RBFOX1: variants seen among roughly 807,000 people sequenced by gnomAD.
The protein encoded by RBFOX1 is RNA binding fox-1 homolog 1, also known as RNA binding protein fox-1 homolog 1.
RBFOX1 carries 8 observed loss-of-function variants against 57.7 expected under a neutral mutation model. The ratio of observed to expected loss-of-function variants is 0.14; its 90% CI spans 0.08 to 0.25. RBFOX1 has a LOEUF of 0.25. Among genes scored for constraint, RBFOX1 ranks in the 10% least tolerant of loss-of-function variants. RBFOX1 has a pLI of 1.00. For missense variants in RBFOX1, 611 were observed against 548.5 expected, an observed-to-expected ratio of 1.11 and a Z score of -1.14; for synonymous variants, 326 against 222.4, an observed-to-expected ratio of 1.47 and a Z score of -4.15.
intron 2 of RBFOX1, among the ~76,000 whole-genome samples, chr16:6,434,056 C>A (rs964032409): frequency 1.9e-4 from 29 of 152,014 alleles, no homozygotes; most frequent in Non-Finnish European, 1.2e-4. Context: ...CCATGTTGGT[C>A]AGGCTGGTCT....
At chr16:7,218,628 C>CTCTGTGTGTG (rs1206468606) in intron 4 of RBFOX1, among the ~76,000 whole-genome samples, 101 of 127,532 alleles carry the variant, frequency 7.9e-4, no homozygotes, top group African/African-American at 2.7e-3. Flanking sequence ...TGGGGGTTTG[C>CTCTGTGTGTG]TGTGTGTGTG....
At chr16:7,386,690 G>A (rs531678829) in intron 4 of RBFOX1, among the ~76,000 whole-genome samples, 7 of 152,132 alleles carry the variant, frequency 4.6e-5, no homozygotes, top group Admixed American at 6.5e-5. Context: ...GTAATCATAC[G>A]TGTGCATGTA....
chr16:5,776,408 C>A (rs921478267), intron 3 of RBFOX1, among the ~76,000 whole-genome samples: 11 of 152,172 alleles, frequency 7.2e-5, no homozygotes, highest in African/African-American at 2.7e-4. Flanking sequence ...CCATTTTAAC[C>A]TGCATCCCTC....
chr16:5,797,936 T>C (rs1195534207), intron 3 of RBFOX1, among the ~76,000 whole-genome samples: 1 of 152,156 alleles, frequency 6.6e-6, no homozygotes, highest in Admixed American at 6.5e-5. Flanking sequence ...TGGGACACCA[T>C]AGAAGAGATG....
intron 3 of RBFOX1, among the ~76,000 whole-genome samples, chr16:6,966,508 G>A (rs2084198581): frequency 6.6e-6 from 1 of 152,126 alleles, no homozygotes; most frequent in Non-Finnish European, 1.5e-5. Flanking sequence ...GGTGGCGAGA[G>A]GGGCGGACGG....
At chr16:6,224,044 C>G (rs544842248) in intron 1 of RBFOX1, among the ~76,000 whole-genome samples, 2 of 152,026 alleles carry the variant, frequency 1.3e-5, no homozygotes, top group South Asian at 2.1e-4. Context: ...GGGCTCTGTT[C>G]TGTTCCATTG....
In RBFOX1 at chr16:7,202,366, C is replaced by T. The variant is rs7201748; in HGVS notation, c.27+150268C>T. 5.5e-3 allele frequency among the ~76,000 whole-genome samples: 832 copies of T among 150,746 alleles called. 1 individual carries two copies. The highest frequency in any genetic ancestry group is 9.1e-3 in the Non-Finnish European group (620 of 67,872). On this transcript the variant is annotated intron_variant, in intron 4 of 15. Coordinates refer to ENST00000550418, the MANE Select transcript of RBFOX1 (RefSeq NM_018723.4). Reference sequence around the variant, plus strand: ...GGATGTGGAAAAATTGGACCCATTACGCCCTGTGGGTAGGAAGGTAAAATA... The same window carrying T: ...GGATGTGGAAAAATTGGACCCATTATGCCCTGTGGGTAGGAAGGTAAAATA...
chr16:5,452,568 C>G (rs2068459971), intron 1 of RBFOX1, among the ~76,000 whole-genome samples: 1 of 152,228 alleles, frequency 6.6e-6, no homozygotes, highest in East Asian at 1.9e-4. Flanking sequence ...GTTCCTCTGC[C>G]TTTCACCTGC....
intron 3 of RBFOX1, among the ~76,000 whole-genome samples, chr16:5,803,158 A>G (rs1196470742): frequency 6.6e-6 from 1 of 152,142 alleles, no homozygotes; most frequent in Non-Finnish European, 1.5e-5. Flanking sequence ...CCCCCATCCA[A>G]GAAACAACAG....
At chr16:6,735,291 C>T (rs2069858439) in intron 3 of RBFOX1, among the ~76,000 whole-genome samples, 1 of 152,200 alleles carries the variant, frequency 6.6e-6, no homozygotes, top group Admixed American at 6.5e-5. Flanking sequence ...CTCAGCCACT[C>T]ACCAGTGGGT....
intron 1 of RBFOX1, among the ~76,000 whole-genome samples, chr16:6,218,075 A>C (rs2097347742): frequency 1.3e-5 from 2 of 152,158 alleles, no homozygotes; most frequent in Non-Finnish European, 2.9e-5. Flanking sequence ...TTCTGAAAGA[A>C]ATTTTAAAAG....
intron 3 of RBFOX1, among the ~76,000 whole-genome samples, chr16:6,968,172 C>T (rs914985360): frequency 6.6e-6 from 1 of 152,264 alleles, no homozygotes; most frequent in African/African-American, 2.4e-5. Context: ...ACCCCCTCTC[C>T]GTGGGTGTCC....
At chr16:5,502,867 AG>A (rs759898379) in intron 2 of RBFOX1, among the ~76,000 whole-genome samples, 32 of 152,254 alleles carry the variant, frequency 2.1e-4, no homozygotes, top group Non-Finnish European at 4.1e-4. Context: ...ACCAGAGCAC[AG>A]GAGCAATTCT....
intron 1 of RBFOX1, among the ~76,000 whole-genome samples, chr16:6,131,889 G>C (rs1374934371): frequency 6.6e-6 from 1 of 152,150 alleles, no homozygotes; most frequent in Non-Finnish European, 1.5e-5. Flanking sequence ...TTAAAGATAG[G>C]ATGAAGGAAA....
intron 1 of RBFOX1, among the ~76,000 whole-genome samples, chr16:5,381,489 A>C (rs1245461242): frequency 6.6e-6 from 1 of 151,700 alleles, no homozygotes; most frequent in Admixed American, 6.6e-5. Context: ...CTGCATTTCT[A>C]GCAAGCTCCC....
intron 3 of RBFOX1, among the ~76,000 whole-genome samples, chr16:6,707,043 G>C (rs752246267): frequency 2.0e-5 from 3 of 152,124 alleles, no homozygotes; most frequent in Non-Finnish European, 4.4e-5. Flanking sequence ...TCCATCAGCC[G>C]AGGGATAACC....
At chr16:5,571,013 C>G (rs1272801309) in intron 2 of RBFOX1, among the ~76,000 whole-genome samples, 1 of 151,962 alleles carries the variant, frequency 6.6e-6, no homozygotes, top group Non-Finnish European at 1.5e-5. Flanking sequence ...ATATTCAGCT[C>G]TCATATACAC....
chr16:6,727,016 G>A (rs1436235248), intron 3 of RBFOX1, among the ~76,000 whole-genome samples: 1 of 141,518 alleles, frequency 7.1e-6, no homozygotes, highest in South Asian at 2.4e-4. Context: ...GACATACGAT[G>A]AGAGCGCCTC....
At chr16:6,896,860 G>A (rs920954511) in intron 3 of RBFOX1, among the ~76,000 whole-genome samples, 1 of 152,158 alleles carries the variant, frequency 6.6e-6, no homozygotes, top group Non-Finnish European at 1.5e-5. Flanking sequence ...AAAATCAGTG[G>A]AAGAGTGGTG....
Sources: allele counts gnomAD v4.1 joint callset (sites outside exome capture counted in the v4.1 genomes callset), GRCh38; gene constraint gnomAD v4.1.1; transcripts MANE v1.5; gene names NCBI Gene and HGNC (gene_info 2026-07-23, HGNC 2026-07-21).